The following NFATC1 variants were observed in gnomAD, a reference collection of about 807,000 sequenced individuals.
NFATC1 encodes the protein nuclear factor of activated T cells 1, also known as nuclear factor of activated T-cells, cytoplasmic 1.
Under a neutral mutation model 76.0 loss-of-function variants are expected in NFATC1, and 22 were observed. The observed-to-expected ratio is 0.29, with a 90% CI of 0.21 to 0.41. The LOEUF is 0.41. NFATC1 is among the 10% of genes least tolerant of loss of function. NFATC1 has a pLI of 1.00. For synonymous variants in NFATC1, 704 were observed against 613.1 expected, an observed-to-expected ratio of 1.15 and a Z score of -2.19; for missense variants, 1,357 against 1,337.7, an observed-to-expected ratio of 1.01 and a Z score of -0.23.
intron 9 of NFATC1, among the ~76,000 whole-genome samples, chr18:79,521,253 A>ATG (rs1269937604): frequency 4.8e-5 from 2 of 41,858 alleles, no homozygotes; most frequent in Non-Finnish European, 8.2e-5. Flanking sequence ...ATGTGTGTCC[A>ATG]TGTGTGTGTG....
At chr18:79,522,992 G>T (rs2090655021) in intron 9 of NFATC1, among the ~76,000 whole-genome samples, 1 of 152,200 alleles carries the variant, frequency 6.6e-6, no homozygotes, top group South Asian at 2.1e-4. Flanking sequence ...CCCAGTAAGG[G>T]TCAGTCCTGC....
intron 6 of NFATC1, among the ~76,000 whole-genome samples, chr18:79,452,922 A>G (rs532562884): frequency 4.6e-5 from 7 of 152,296 alleles, no homozygotes; most frequent in African/African-American, 1.7e-4. Context: ...TTCAGCCTTG[A>G]TAATGGGGTC....
intron 2 of NFATC1, among the ~76,000 whole-genome samples, chr18:79,429,223 A>G (rs1338581724): frequency 1.4e-5 from 1 of 73,668 alleles, no homozygotes; most frequent in African/African-American, 1.2e-4. Context: ...TCCGTCTCAA[A>G]AAAAAAAAAA....
intron 9 of NFATC1, among the ~76,000 whole-genome samples, chr18:79,494,112 G>C (rs896205711): frequency 6.6e-6 from 1 of 152,238 alleles, no homozygotes; most frequent in African/African-American, 2.4e-5. Flanking sequence ...AGGCTCAGAC[G>C]TCGACTCACG....
At chr18:79,509,545 G>A (rs543209674) in intron 9 of NFATC1, among the ~76,000 whole-genome samples, 1 of 152,390 alleles carries the variant, frequency 6.6e-6, no homozygotes, top group East Asian at 1.9e-4. Context: ...CACATGCAAT[G>A]CTCCCCTGCC....
In NFATC1 at chr18:79,520,025, G is replaced by A. The variant is rs558679636; in HGVS notation, c.2783-7503G>A. On this transcript the variant is annotated intron_variant, in intron 9 of 9. Transcript: ENST00000427363. ...GAAACCGGCTGCCCCCAGGAAGCGG[G>A]GATGGAGGGCACACACCAGGAGAGG... is the stretch of plus-strand genomic sequence containing the variant. 8.5e-4 allele frequency among the ~76,000 whole-genome samples: 130 copies of A among 152,316 alleles called. 1 individual carries two copies. The highest frequency in any genetic ancestry group is 3.1e-3 in the African/African-American group (128 of 41,566).
At chr18:79,494,005 G>A (rs913200396) in intron 9 of NFATC1, among the ~76,000 whole-genome samples, 1 of 151,290 alleles carries the variant, frequency 6.6e-6, no homozygotes, top group Non-Finnish European at 1.5e-5. Context: ...CCCAGGCCCG[G>A]AGCTGCTTCC....
chr18:79,523,874 G>A (rs1423549806), intron 9 of NFATC1: 1 of 152,230 alleles, frequency 6.6e-6, no homozygotes, highest in Non-Finnish European at 1.5e-5. Flanking sequence ...CTGTTGCGGG[G>A]ACATCTGACG....
intron 8 of NFATC1, among the ~76,000 whole-genome samples, chr18:79,476,023 T>G (rs1600857573): frequency 1.3e-5 from 2 of 150,230 alleles, no homozygotes; most frequent in African/African-American, 2.5e-5. Flanking sequence ...AGAAGGGGGG[T>G]GGGGCCGGGA....
chr18:79,463,782 G>A (rs1470960318), intron 7 of NFATC1, among the ~76,000 whole-genome samples: 2 of 152,218 alleles, frequency 1.3e-5, no homozygotes, highest in Non-Finnish European at 2.9e-5. Context: ...CCCTGGCTCC[G>A]TCGGGGTCTC....
intron 8 of NFATC1, among the ~76,000 whole-genome samples, chr18:79,472,496 C>T (rs2088827523): frequency 1.3e-5 from 2 of 152,236 alleles, no homozygotes; most frequent in Admixed American, 6.5e-5. Flanking sequence ...TTGTCCAAGT[C>T]CACTGCATGT....
intron 8 of NFATC1, among the ~76,000 whole-genome samples, chr18:79,474,247 CG>C (rs1218381371): frequency 9.4e-6 from 1 of 106,912 alleles, no homozygotes; most frequent in African/African-American, 4.3e-5. Context: ...AGCGTGTTCT[CG>C]CGCTCACTGT....
At chr18:79,444,245 C>T (rs1043041279) in intron 3 of NFATC1, among the ~76,000 whole-genome samples, 9 of 152,014 alleles carry the variant, frequency 5.9e-5, no homozygotes, top group East Asian at 3.9e-4. Flanking sequence ...TGCACATTTC[C>T]CAGTGTGGCT....
rs1444724785 is a variant in NFATC1 at position 79,425,273 on chromosome 18, C to CTGTTTCTCTGTCTCTG, written c.1227-8305_1227-8304insGTTTCTCTGTCTCTGT. ...TGTTTCTCTCCCTGTCTCTGTCTCT[C>CTGTTTCTCTGTCTCTG]TCTCTGTCTGTCTTTCTTTCTTACT... On this transcript the variant is annotated intron_variant, in intron 2 of 9. Coordinates refer to ENST00000427363, the MANE Select transcript of NFATC1 (RefSeq NM_001278669.2). 1.9e-4 allele frequency among the ~76,000 whole-genome samples: 27 copies of CTGTTTCTCTGTCTCTG among 143,526 alleles called. No individual in the cohort carries two copies. The East Asian group carries it at 4.9e-3, about 26-fold the overall frequency. The allele number at this position is 143,526 out of a possible 152,430, so 94.2% of individuals were successfully genotyped here.
At chr18:79,423,859 A>T (rs2148256377) in intron 2 of NFATC1, among the ~76,000 whole-genome samples, 1 of 152,272 alleles carries the variant, frequency 6.6e-6, no homozygotes, top group South Asian at 2.1e-4. Flanking sequence ...CCCTGCCCGC[A>T]GCCTCAGAGT....
chr18:79,488,270 G>A (rs2089573037), intron 9 of NFATC1, among the ~76,000 whole-genome samples: 1 of 128,136 alleles, frequency 7.8e-6, no homozygotes, highest in Admixed American at 7.1e-5. Flanking sequence ...GTTTGCGGTA[G>A]TGTGTCCCAT....
chr18:79,454,499 G>A (rs973506674), intron 6 of NFATC1, among the ~76,000 whole-genome samples: 4 of 152,200 alleles, frequency 2.6e-5, no homozygotes, highest in Non-Finnish European at 5.9e-5. Context: ...GGAGCCGGCC[G>A]GGCAAGGGCA....
intron 1 of NFATC1, among the ~76,000 whole-genome samples, chr18:79,398,240 A>T (rs2085069454): frequency 6.6e-6 from 1 of 152,246 alleles, no homozygotes; most frequent in African/African-American, 2.4e-5. Flanking sequence ...CCACCCAGTC[A>T]GAAGTCGCTC....
At chr18:79,514,933 A>G (rs939801495) in intron 9 of NFATC1, among the ~76,000 whole-genome samples, 13 of 151,766 alleles carry the variant, frequency 8.6e-5, no homozygotes, top group African/African-American at 3.1e-4. Context: ...GGTCCCACCT[A>G]CTTGAGAGTC....
Sources: allele counts gnomAD v4.1 joint callset (sites outside exome capture counted in the v4.1 genomes callset), GRCh38; gene constraint gnomAD v4.1.1; transcripts MANE v1.5; gene names NCBI Gene and HGNC (gene_info 2026-07-23, HGNC 2026-07-21).